Variants in FAM135B observed in about 807,000 individuals in gnomAD.
FAM135B encodes the protein family with sequence similarity 135 member B, also known as protein FAM135B.
Under a neutral mutation model 127.7 loss-of-function variants are expected in FAM135B, and 43 were observed. The observed-to-expected ratio is 0.34, with a 90% CI of 0.26 to 0.43. The LOEUF is 0.43. Among genes scored for constraint, FAM135B ranks in the 20% least tolerant of loss-of-function variants. The pLI is 1.00. For synonymous variants in FAM135B, 670 were observed against 665.1 expected (o/e 1.01, Z -0.11); for missense variants, 1,558 against 1,725.6 (o/e 0.90, Z 1.72).
intron 3 of FAM135B, among the ~76,000 whole-genome samples, chr8:138,289,442 C>T (rs1489336089): frequency 6.6e-6 from 1 of 152,204 alleles, no homozygotes; most frequent in African/African-American, 2.4e-5. Flanking sequence ...GCTTGCACTC[C>T]CTCACTCCAC....
chr8:138,472,671 A>G (rs1273082658), intron 1 of FAM135B, among the ~76,000 whole-genome samples: 1 of 152,200 alleles, frequency 6.6e-6, no homozygotes, highest in Non-Finnish European at 1.5e-5. Context: ...GTTGTCCAGC[A>G]ATGTTAAGAA....
intron 7 of FAM135B, among the ~76,000 whole-genome samples, chr8:138,203,132 A>G (rs1817275476): frequency 6.6e-6 from 1 of 152,228 alleles, no homozygotes; most frequent in African/African-American, 2.4e-5. Flanking sequence ...GTATATATAC[A>G]AATCAGACAT....
At chr8:138,321,074 C>T (rs775590240) in intron 2 of FAM135B, among the ~76,000 whole-genome samples, 8 of 152,090 alleles carry the variant, frequency 5.3e-5, no homozygotes, top group African/African-American at 9.7e-5. Flanking sequence ...CACCCAGGTC[C>T]GCAAAGCAAG....
chr8:138,356,128 G>T (rs900157039), intron 2 of FAM135B, among the ~76,000 whole-genome samples: 4 of 152,112 alleles, frequency 2.6e-5, no homozygotes, highest in African/African-American at 9.7e-5. Flanking sequence ...CTTGATCTTG[G>T]ACTTTCCAGT....
At chr8:138,225,868 G>C (rs1819387694) in intron 7 of FAM135B, among the ~76,000 whole-genome samples, 1 of 152,142 alleles carries the variant, frequency 6.6e-6, no homozygotes, top group Non-Finnish European at 1.5e-5. Context: ...CAGGGTGGTG[G>C]TGCATGGTTC....
chr8:138,444,601 C>A (rs1057084121), intron 1 of FAM135B, among the ~76,000 whole-genome samples: 3 of 151,932 alleles, frequency 2.0e-5, no homozygotes, highest in South Asian at 2.1e-4. Context: ...CTTTGAAACC[C>A]ACGAGAACAA....
intron 11 of FAM135B, among the ~76,000 whole-genome samples, chr8:138,176,958 T>G (rs940305531): frequency 6.6e-6 from 1 of 152,222 alleles, no homozygotes; most frequent in Non-Finnish European, 1.5e-5. Flanking sequence ...TTAATTCTTA[T>G]GCTGAATGCA....
chr8:138,415,773 C>G lies in FAM135B; in HGVS notation c.-19-47771G>C, dbSNP rs894913359. Among the ~76,000 whole-genome samples the G allele has an allele frequency of 2.6e-5, 4 of 152,314 alleles. No individual in the cohort carries two copies. The South Asian group carries it at 8.3e-4, about 32-fold the overall frequency. On this transcript the variant is annotated intron_variant, in intron 1 of 19. Transcript: ENST00000395297. ...GGGGAATCCTAATACTCTCCAGCAT[C>G]TGAGAATGAATGACAGTGACATAGT...
chr8:138,212,021 T>C (rs961473642), intron 7 of FAM135B, among the ~76,000 whole-genome samples: 4 of 152,162 alleles, frequency 2.6e-5, no homozygotes, highest in Non-Finnish European at 5.9e-5. Flanking sequence ...TGAGCTGAGA[T>C]GGAGCCACTG....
intron 10 of FAM135B, 55 bp from the exon 11 acceptor site, chr8:138,177,475 C>A: frequency 6.9e-7 from 1 of 1,440,748 alleles, no homozygotes; most frequent in Non-Finnish European, 9.5e-7. Flanking sequence ...ATTACCTGCA[C>A]TTTCTTTTTT....
chr8:138,365,541 T>C (rs1356370293), intron 2 of FAM135B, among the ~76,000 whole-genome samples: 1 of 152,220 alleles, frequency 6.6e-6, no homozygotes. Flanking sequence ...TCTCTACTTA[T>C]TGTTAGATAG....
chr8:138,467,469 G>T (rs1401431333), intron 1 of FAM135B, among the ~76,000 whole-genome samples: 1 of 152,088 alleles, frequency 6.6e-6, no homozygotes, highest in Non-Finnish European at 1.5e-5. Flanking sequence ...ACCACATGTG[G>T]CAACTGGTTA....
intron 1 of FAM135B, among the ~76,000 whole-genome samples, chr8:138,411,181 A>T (rs1833841948): frequency 6.6e-6 from 1 of 151,782 alleles, no homozygotes; most frequent in Admixed American, 6.6e-5. Context: ...CACGTCACCA[A>T]GTCAATCCTA....
At chr8:138,387,487 C>T (rs1832288701) in intron 1 of FAM135B, among the ~76,000 whole-genome samples, 1 of 152,208 alleles carries the variant, frequency 6.6e-6, no homozygotes, top group South Asian at 2.1e-4. Flanking sequence ...TGCTCATTCT[C>T]TCCAGACCAG....
intron 7 of FAM135B, among the ~76,000 whole-genome samples, chr8:138,219,122 T>A (rs1818820891): frequency 6.6e-6 from 1 of 152,224 alleles, no homozygotes; most frequent in African/African-American, 2.4e-5. Flanking sequence ...CAGAAGGTAC[T>A]ATCTTCACTA....
At chr8:138,157,042 C>T (rs1274904157) in intron 12 of FAM135B, among the ~76,000 whole-genome samples, 1 of 152,124 alleles carries the variant, frequency 6.6e-6, no homozygotes, top group African/African-American at 2.4e-5. Flanking sequence ...ATGCAAAAAT[C>T]CTCAATAAAA....
At chr8:138,387,292 G>C (rs16909075) in intron 1 of FAM135B, among the ~76,000 whole-genome samples, 6,425 of 152,178 alleles carry the variant, frequency 0.042, 454 homozygotes, top group African/African-American at 0.15. Flanking sequence ...CTAGGTCCAG[G>C]TCTCACAAGA....
chr8:138,169,619 T>A (rs1012762524), intron 11 of FAM135B, among the ~76,000 whole-genome samples: 8 of 152,240 alleles, frequency 5.3e-5, no homozygotes, highest in Non-Finnish European at 1.0e-4. Flanking sequence ...TGGAGTTTTA[T>A]TGCACTCAAT....
intron 1 of FAM135B, among the ~76,000 whole-genome samples, chr8:138,377,635 C>T (rs1831567110): frequency 6.6e-6 from 1 of 152,214 alleles, no homozygotes; most frequent in Non-Finnish European, 1.5e-5. Flanking sequence ...CACATTTCAA[C>T]ACTGCTAATA....
Sources: gnomAD v4.1 joint callset for allele counts (sites outside exome capture counted in the v4.1 genomes callset) on GRCh38, gnomAD v4.1.1 for gene constraint, MANE v1.5 for transcripts, NCBI Gene and HGNC (gene_info 2026-07-23, HGNC 2026-07-21) for gene names.